ZCCHC7: variants seen among roughly 807,000 people sequenced by gnomAD.
The protein encoded by ZCCHC7 is zinc finger CCHC domain-containing protein 7.
In ZCCHC7, 35 loss-of-function variants were observed where a neutral mutation model predicts 52.0. That is an observed-to-expected ratio of 0.67 (90% confidence interval 0.51 to 0.89). The LOEUF (loss-of-function observed/expected upper bound fraction) is 0.89, where lower values mean the gene tolerates loss of function less well. ZCCHC7 is among the 40% of genes least tolerant of loss of function. ZCCHC7 has a pLI of 0.00. For synonymous variants in ZCCHC7, 217 were observed against 221.5 expected, an observed-to-expected ratio of 0.98 and a Z score of 0.18; for missense variants, 574 against 649.1, an observed-to-expected ratio of 0.88 and a Z score of 1.26.
chr9:37,311,652 T>A (rs1010448406), intron 5 of ZCCHC7, among the ~76,000 whole-genome samples: 1 of 152,174 alleles, frequency 6.6e-6, no homozygotes, highest in African/African-American at 2.4e-5. Context: ...TCAGGTGATC[T>A]GCCCGCCTTG....
intron 4 of ZCCHC7, 35 bp from the exon 5 acceptor site, chr9:37,305,509 G>A (rs1412965162): frequency 6.2e-7 from 1 of 1,610,310 alleles, no homozygotes; most frequent in Non-Finnish European, 8.5e-7. Context: ...TACCTTTTGA[G>A]ACTGAAGAGA....
intron 2 of ZCCHC7, among the ~76,000 whole-genome samples, chr9:37,201,853 A>G (rs1351334163): frequency 6.6e-6 from 1 of 152,206 alleles, no homozygotes; most frequent in South Asian, 2.1e-4. Context: ...TACAAAACTC[A>G]TATTATCTGC....
chr9:37,317,524 C>G (rs1423107272), intron 5 of ZCCHC7, among the ~76,000 whole-genome samples: 1 of 152,068 alleles, frequency 6.6e-6, no homozygotes, highest in Non-Finnish European at 1.5e-5. Context: ...CCAGCCCAGG[C>G]AACATGGTGA....
At chr9:37,199,508 A>C (rs1588468232) in intron 2 of ZCCHC7, among the ~76,000 whole-genome samples, 1 of 144,988 alleles carries the variant, frequency 6.9e-6, no homozygotes, top group Admixed American at 6.9e-5. Flanking sequence ...ATTTTTTGTA[A>C]TTTTACTAGA....
intron 2 of ZCCHC7, among the ~76,000 whole-genome samples, chr9:37,218,201 G>A (rs962994197): frequency 3.3e-5 from 5 of 152,078 alleles, no homozygotes; most frequent in Admixed American, 2.6e-4. Flanking sequence ...GTAGCAGATA[G>A]ATCTAAGTAT....
intron 2 of ZCCHC7, among the ~76,000 whole-genome samples, chr9:37,155,237 C>T (rs566966152): frequency 1.3e-5 from 2 of 151,934 alleles, no homozygotes; most frequent in South Asian, 4.2e-4. Flanking sequence ...GGTGGGCGCA[C>T]GTAGTCCCGG....
At chr9:37,174,021 G>A (rs993983640) in intron 2 of ZCCHC7, among the ~76,000 whole-genome samples, 1 of 152,080 alleles carries the variant, frequency 6.6e-6, no homozygotes, top group East Asian at 1.9e-4. Context: ...ACAAAAATTC[G>A]ATGAGTTAGG....
intron 2 of ZCCHC7, among the ~76,000 whole-genome samples, chr9:37,241,936 A>T (rs779530522): frequency 2.0e-5 from 3 of 151,940 alleles, no homozygotes; most frequent in Middle Eastern, 3.4e-3. Flanking sequence ...TTCAGAATAT[A>T]TAATTCCAGT....
chr9:37,130,334 CTTTT>C (rs34589957), intron 2 of ZCCHC7, among the ~76,000 whole-genome samples: 4 of 63,130 alleles, frequency 6.3e-5, no homozygotes, highest in East Asian at 4.9e-4. Flanking sequence ...GAATTCTCTC[CTTTT>C]TTTTTTTTTT....
At chr9:37,325,289 A>G (rs1830197856) in intron 5 of ZCCHC7, among the ~76,000 whole-genome samples, 2 of 152,218 alleles carry the variant, frequency 1.3e-5, no homozygotes, top group Non-Finnish European at 2.9e-5. Context: ...CCATCCATCT[A>G]AGTACCAGTA....
At chr9:37,304,145 C>G in intron 3 of ZCCHC7, 43 bp from the exon 4 acceptor site, 1 of 1,579,702 alleles carries the variant, frequency 6.3e-7, no homozygotes. Context: ...TTTTATTTAG[C>G]AGTGAAACAA....
At chr9:37,316,238 T>C (rs973167025) in intron 5 of ZCCHC7, among the ~76,000 whole-genome samples, 1 of 151,744 alleles carries the variant, frequency 6.6e-6, no homozygotes, top group Non-Finnish European at 1.5e-5. Context: ...TTTTGTATTT[T>C]TAATACAGAT....
At chr9:37,315,064 C>G (rs962058811) in intron 5 of ZCCHC7, among the ~76,000 whole-genome samples, 8 of 151,102 alleles carry the variant, frequency 5.3e-5, no homozygotes, top group African/African-American at 1.9e-4. Context: ...CTAAAAGGTA[C>G]ACACAGTTCG....
chr9:37,231,044 A>C (rs776404154), intron 2 of ZCCHC7, among the ~76,000 whole-genome samples: 30 of 152,140 alleles, frequency 2.0e-4, no homozygotes, highest in Non-Finnish European at 3.1e-4. Context: ...CCAGGGTTCA[A>C]GCAATTCTCC....
chr9:37,295,829 G>A, intron 2 of ZCCHC7, among the ~76,000 whole-genome samples: 1 of 152,144 alleles, frequency 6.6e-6, no homozygotes. Flanking sequence ...TCTCACTATG[G>A]GCATATATGA....
intron 2 of ZCCHC7, among the ~76,000 whole-genome samples, chr9:37,151,090 G>A (rs974405802): frequency 2.0e-5 from 3 of 150,280 alleles, no homozygotes; most frequent in African/African-American, 4.9e-5. Context: ...TAAGCCTCCC[G>A]AGTAGCTGGG....
At chr9:37,199,434 C>T (rs552999697) in intron 2 of ZCCHC7, among the ~76,000 whole-genome samples, 5 of 150,048 alleles carry the variant, frequency 3.3e-5, no homozygotes, top group Admixed American at 2.7e-4. Context: ...TGGGTTCAAG[C>T]GATTCTCCTG....
chr9:37,264,588 T>C (rs1298413007), intron 2 of ZCCHC7, among the ~76,000 whole-genome samples: 1 of 152,218 alleles, frequency 6.6e-6, no homozygotes, highest in East Asian at 1.9e-4. Context: ...AAATTGTGGC[T>C]TCCTAACTTA....
At chr9:37,148,640 A>G (rs956527427) in intron 2 of ZCCHC7, among the ~76,000 whole-genome samples, 2 of 152,176 alleles carry the variant, frequency 1.3e-5, no homozygotes, top group African/African-American at 4.8e-5. Flanking sequence ...GACATTTGTT[A>G]TAGGATGAGA....
Sources: allele counts gnomAD v4.1 joint callset (sites outside exome capture counted in the v4.1 genomes callset), GRCh38; gene constraint gnomAD v4.1.1; transcripts MANE v1.5; gene names NCBI Gene and HGNC (gene_info 2026-07-23, HGNC 2026-07-21).